SASH1: variants seen among roughly 807,000 people sequenced by gnomAD.
The protein encoded by SASH1 is SAM and SH3 domain-containing protein 1.
Under a neutral mutation model 125.2 loss-of-function variants are expected in SASH1, and 44 were observed. The ratio of observed to expected loss-of-function variants is 0.35; its 90% CI spans 0.28 to 0.45. The LOEUF (loss-of-function observed/expected upper bound fraction) is 0.45, where lower values mean the gene tolerates loss of function less well. Among genes scored for constraint, SASH1 ranks in the 20% least tolerant of loss-of-function variants. The pLI is 1.00. For missense variants in SASH1, 1,426 were observed against 1,614.5 expected (o/e 0.88, Z 2.00); for synonymous variants, 639 against 649.1 (o/e 0.98, Z 0.24).
At chr6:148,355,041 G>A (rs1781876679) in intron 1 of SASH1, among the ~76,000 whole-genome samples, 1 of 152,194 alleles carries the variant, frequency 6.6e-6, no homozygotes, top group Admixed American at 6.5e-5. Flanking sequence ...TTACAGGCAT[G>A]AGCCACCGCA....
intron 7 of SASH1, among the ~76,000 whole-genome samples, chr6:148,478,244 G>A (rs560606461): frequency 1.7e-4 from 26 of 152,326 alleles, no homozygotes; most frequent in Admixed American, 6.5e-4. Flanking sequence ...TTGCAGTGCT[G>A]TTGACGATCG....
At position 148,488,301 on chromosome 6, in the gene SASH1, G is replaced by A. The variant is rs150280387; in HGVS notation, c.729+586G>A. On this transcript the variant is annotated intron_variant, in intron 8 of 19. Transcript: ENST00000367467. ...CATAATTCTTTCAGGGTTCATCCACGCTGCAGCATGTATCAGAACTTCATC... is the reference window on the plus strand; with the variant it reads ...CATAATTCTTTCAGGGTTCATCCACACTGCAGCATGTATCAGAACTTCATC... 2.9e-3 allele frequency among the ~76,000 whole-genome samples: 437 copies of A among 152,280 alleles called. 2 individuals are homozygous for A. Among genetic ancestry groups the A allele is most frequent in the Admixed American group, 7.8e-3 (120 of 15,306 alleles).
chr6:148,333,250 T>G (rs745314317), intron 1 of SASH1, among the ~76,000 whole-genome samples: 1 of 151,546 alleles, frequency 6.6e-6, no homozygotes, highest in Non-Finnish European at 1.5e-5. Flanking sequence ...AAAATAATAA[T>G]AATAATAATA....
intron 2 of SASH1, among the ~76,000 whole-genome samples, chr6:148,413,869 G>A (rs4897006): frequency 0.13 from 19,135 of 151,434 alleles, 1,351 homozygotes; most frequent in Admixed American, 0.22. Context: ...ACATGCCAAA[G>A]GGAAGAGAAA....
chr6:148,306,713 G>A (rs973259426), intron 1 of SASH1, among the ~76,000 whole-genome samples: 5 of 152,132 alleles, frequency 3.3e-5, no homozygotes, highest in Admixed American at 2.0e-4. Context: ...ACAGGGTCAG[G>A]TTTTCTTCTT....
intron 1 of SASH1, among the ~76,000 whole-genome samples, chr6:148,299,385 CG>C (rs1461197680): frequency 6.7e-6 from 1 of 149,124 alleles, no homozygotes; most frequent in Non-Finnish European, 1.5e-5. Flanking sequence ...AAAAGACTGT[CG>C]TTGGGTGCGG....
At chr6:148,512,004 C>CATTTATTT (rs79447361) in intron 8 of SASH1, among the ~76,000 whole-genome samples, 30,768 of 128,952 alleles carry the variant, frequency 0.24, 3,281 homozygotes, top group East Asian at 0.32. Flanking sequence ...TTGATTTCAA[C>CATTTATTT]ATTTATTTAT....
intron 1 of SASH1, among the ~76,000 whole-genome samples, chr6:148,369,083 C>T (rs1429042561): frequency 3.9e-5 from 6 of 152,172 alleles, no homozygotes; most frequent in Admixed American, 3.9e-4. Context: ...GTGCATTGGC[C>T]TGGCAGAGCT....
the SASH1 span, among the ~76,000 whole-genome samples, chr6:148,202,513 A>G: frequency 6.6e-6 from 1 of 152,222 alleles, no homozygotes; most frequent in East Asian, 1.9e-4. Context: ...AGGCTGGAAA[A>G]CTAGGCAAGA....
At chr6:148,432,866 C>T (rs1179206041) in intron 2 of SASH1, among the ~76,000 whole-genome samples, 2 of 152,136 alleles carry the variant, frequency 1.3e-5, no homozygotes, top group African/African-American at 4.8e-5. Context: ...GTATTTTGCA[C>T]AATGGGATGT....
At chr6:148,508,552 G>A (rs937921212) in intron 8 of SASH1, 12 of 1,053,156 alleles carry the variant, frequency 1.1e-5, no homozygotes, top group Non-Finnish European at 1.4e-5. Context: ...TCCTTGTGGT[G>A]AATAGGAGAT....
the SASH1 span, among the ~76,000 whole-genome samples, chr6:148,234,372 G>T: frequency 6.6e-6 from 1 of 151,380 alleles, no homozygotes; most frequent in Non-Finnish European, 1.5e-5. Flanking sequence ...GAATGTCATT[G>T]TGTGTGTGTG....
chr6:148,315,942 C>T (rs1780470034), intron 1 of SASH1, among the ~76,000 whole-genome samples: 2 of 152,108 alleles, frequency 1.3e-5, no homozygotes, highest in South Asian at 2.1e-4. Context: ...GACCAGCCTG[C>T]CACACCCATG....
At chr6:148,352,963 C>T (rs1383790324) in intron 1 of SASH1, among the ~76,000 whole-genome samples, 1 of 152,044 alleles carries the variant, frequency 6.6e-6, no homozygotes, top group Non-Finnish European at 1.5e-5. Flanking sequence ...GAGCAAGTCT[C>T]TGTCTCCAAA....
At chr6:148,373,310 G>A (rs1158789994) in intron 1 of SASH1, among the ~76,000 whole-genome samples, 2 of 152,316 alleles carry the variant, frequency 1.3e-5, no homozygotes, top group South Asian at 4.2e-4. Flanking sequence ...ATGAGGGTAG[G>A]TAATTGTGGG....
intron 1 of SASH1, among the ~76,000 whole-genome samples, chr6:148,300,103 TG>T (rs1779898827): frequency 6.6e-6 from 1 of 152,178 alleles, no homozygotes; most frequent in South Asian, 2.1e-4. Flanking sequence ...TACCATAACA[TG>T]CTGTCAGAAG....
Position 148,482,688 on chromosome 6 carries a change from A to ATTTTTTTTTTTTTTTT in SASH1, c.628-4923_628-4908dup, listed in dbSNP as rs200708826. Among the ~76,000 whole-genome samples the ATTTTTTTTTTTTTTTT allele has an allele frequency of 1.0e-3, 101 of 99,912 alleles. 11 individuals are homozygous for ATTTTTTTTTTTTTTTT. The highest frequency in any genetic ancestry group is 4.1e-3 in the African/African-American group (92 of 22,524). The allele number at this position is 99,912 out of a possible 152,430, so 65.5% of individuals were successfully genotyped here. A position where few individuals can be genotyped will look rare whatever the true frequency, so the allele number is the denominator to read the frequency against. The stretch of plus-strand genomic sequence containing the variant: ...AGGCATGTGCCACCACACCTGGCTA[A>ATTTTTTTTTTTTTTTT]TTTTTTTTTTTTTTTTTTGAGAGAG... On this transcript the variant is annotated intron_variant, in intron 7 of 19. Transcript: ENST00000367467.
intron 11 of SASH1, among the ~76,000 whole-genome samples, chr6:148,527,061 A>C (rs946185611): frequency 6.6e-6 from 1 of 151,628 alleles, no homozygotes; most frequent in Non-Finnish European, 1.5e-5. Flanking sequence ...TTTAGTAGAG[A>C]CGGGGTTTCA....
chr6:148,250,408 A>G, the SASH1 span, among the ~76,000 whole-genome samples: 1 of 152,164 alleles, frequency 6.6e-6, no homozygotes, highest in Non-Finnish European at 1.5e-5. Context: ...TCAGAGATCC[A>G]TCATTCAGCT....
Sources: allele counts gnomAD v4.1 joint callset (sites outside exome capture counted in the v4.1 genomes callset), GRCh38; gene constraint gnomAD v4.1.1; transcripts MANE v1.5; gene names NCBI Gene and HGNC (gene_info 2026-07-23, HGNC 2026-07-21).